Variants in PRKN observed in about 807,000 individuals in gnomAD.
The protein encoded by PRKN is parkin RBR E3 ubiquitin protein ligase, also known as E3 ubiquitin-protein ligase parkin.
In PRKN, 56 loss-of-function variants were observed where a neutral mutation model predicts 59.5. The ratio of observed to expected loss-of-function variants is 0.94; its 90% confidence interval spans 0.76 to 1.18. The LOEUF is 1.18. Ranked by LOEUF, PRKN falls within the 50% of genes most tolerant of loss-of-function variation. The pLI, the probability that PRKN is intolerant of heterozygous loss-of-function variation, is 0.00. For synonymous variants in PRKN, 250 were observed against 222.1 expected, an observed-to-expected ratio of 1.13 and a Z score of -1.12; for missense variants, 657 against 596.4, an observed-to-expected ratio of 1.10 and a Z score of -1.06.
At chr6:162,216,249 G>A (rs946714281) in intron 3 of PRKN, among the ~76,000 whole-genome samples, 2 of 151,716 alleles carry the variant, frequency 1.3e-5, no homozygotes, top group Non-Finnish European at 1.5e-5. Flanking sequence ...CCCAGTTTGC[G>A]GCCGGGCGCG....
intron 2 of PRKN, among the ~76,000 whole-genome samples, chr6:162,321,369 A>G (rs2128121747): frequency 6.6e-6 from 1 of 152,086 alleles, no homozygotes; most frequent in East Asian, 1.9e-4. Context: ...TCTATTGAAG[A>G]AACTGATACT....
intron 2 of PRKN, among the ~76,000 whole-genome samples, chr6:162,438,881 A>AC (rs1789909811): frequency 6.6e-6 from 1 of 152,202 alleles, no homozygotes. Context: ...GCATTTGCCC[A>AC]CCATTATCTT....
At chr6:162,657,675 T>C (rs1321267157) in intron 1 of PRKN, among the ~76,000 whole-genome samples, 1 of 152,182 alleles carries the variant, frequency 6.6e-6, no homozygotes, top group Non-Finnish European at 1.5e-5. Flanking sequence ...AAAACACCTG[T>C]AATAAATCTT....
intron 2 of PRKN, among the ~76,000 whole-genome samples, chr6:162,424,376 A>G (rs1288151663): frequency 6.6e-6 from 1 of 152,162 alleles, no homozygotes; most frequent in African/African-American, 2.4e-5. Context: ...ACCAAGAGTG[A>G]ACCCTAATGT....
intron 2 of PRKN, among the ~76,000 whole-genome samples, chr6:162,413,384 G>C (rs1788444770): frequency 6.6e-6 from 1 of 152,066 alleles, no homozygotes; most frequent in South Asian, 2.1e-4. Context: ...AGCTATGCAG[G>C]GGGAAAGAGA....
chr6:161,642,307 G>A (rs1783772617), intron 7 of PRKN, among the ~76,000 whole-genome samples: 1 of 152,150 alleles, frequency 6.6e-6, no homozygotes, highest in Non-Finnish European at 1.5e-5. Flanking sequence ...ATGATAAAGT[G>A]TACCTTTAAC....
chr6:162,250,197 A>G (rs7751966), intron 3 of PRKN, among the ~76,000 whole-genome samples: 1 of 149,852 alleles, frequency 6.7e-6, no homozygotes, highest in African/African-American at 2.5e-5. Context: ...GGGGGGGGGC[A>G]GGGAATGGAG....
intron 7 of PRKN, among the ~76,000 whole-genome samples, chr6:161,744,938 T>A (rs867133875): frequency 6.6e-6 from 1 of 152,212 alleles, no homozygotes; most frequent in Non-Finnish European, 1.5e-5. Flanking sequence ...TTGTCTTAAA[T>A]GGCTCTAAAA....
intron 4 of PRKN, among the ~76,000 whole-genome samples, chr6:162,077,733 C>T (rs1024139972): frequency 6.6e-6 from 1 of 151,986 alleles, no homozygotes; most frequent in South Asian, 2.1e-4. Flanking sequence ...GGCGCTGTGG[C>T]TCAGGTCTGT....
chr6:161,415,456 T>C (rs1787794716), intron 9 of PRKN, among the ~76,000 whole-genome samples: 1 of 152,186 alleles, frequency 6.6e-6, no homozygotes, highest in South Asian at 2.1e-4. Flanking sequence ...CCGAACCCTT[T>C]ACGTGAGTCA....
At position 162,071,506 on chromosome 6, in the gene PRKN, T is replaced by C. The variant is rs555788728; in HGVS notation, c.535-17332A>G. Among the ~76,000 whole-genome samples the C allele has an allele frequency of 2.8e-3, 421 of 151,854 alleles. 2 individuals carry two copies. The highest frequency in any genetic ancestry group is 9.6e-3 in the African/African-American group (397 of 41,384). On this transcript the variant is annotated intron_variant, in intron 4 of 11. Coordinates refer to ENST00000366898, the MANE Select transcript of PRKN (RefSeq NM_004562.3). ...TCTTCTGGTTCTCCAAAAGTTCCAA[T>C]AGGATCCCTCTTAAATTTCCATCAG...
chr6:161,932,891 T>A (rs190261279), intron 6 of PRKN, among the ~76,000 whole-genome samples: 137 of 152,310 alleles, frequency 9.0e-4, no homozygotes, highest in African/African-American at 3.2e-3. Flanking sequence ...TTTCTCTCCA[T>A]CCAGTAGATT....
intron 7 of PRKN, among the ~76,000 whole-genome samples, chr6:161,752,814 G>A (rs972131254): frequency 5.3e-5 from 8 of 152,200 alleles, no homozygotes; most frequent in African/African-American, 1.9e-4. Context: ...AGATACTAGA[G>A]GCTTGGACTA....
chr6:161,381,309 T>C (rs1038768511), intron 10 of PRKN, among the ~76,000 whole-genome samples: 9 of 152,180 alleles, frequency 5.9e-5, no homozygotes, highest in Non-Finnish European at 8.8e-5. Context: ...TCATCAGTGC[T>C]GGCTGGTGCA....
intron 6 of PRKN, among the ~76,000 whole-genome samples, chr6:161,836,178 C>T (rs919660262): frequency 2.6e-5 from 4 of 152,106 alleles, no homozygotes; most frequent in Non-Finnish European, 5.9e-5. Context: ...ATTTTTCAAG[C>T]CTCAGTAGTT....
At chr6:161,350,337 C>T in intron 11 of PRKN, 126 bp from the exon 12 acceptor site, 2 of 685,624 alleles carry the variant, frequency 2.9e-6, no homozygotes, top group Non-Finnish European at 5.3e-6. Flanking sequence ...AATACAAGGG[C>T]AGAGAGAAAC....
intron 6 of PRKN, among the ~76,000 whole-genome samples, chr6:161,795,438 T>A (rs2128209131): frequency 1.3e-5 from 2 of 152,044 alleles, no homozygotes; most frequent in Middle Eastern, 6.8e-3. Context: ...CTCGCCATGT[T>A]GGCCAGGCTG....
intron 4 of PRKN, among the ~76,000 whole-genome samples, chr6:162,166,941 C>G (rs1783017017): frequency 6.6e-6 from 1 of 152,224 alleles, no homozygotes; most frequent in Admixed American, 6.5e-5. Context: ...ACTTTCCCAA[C>G]TCCTCAATGT....
chr6:161,348,521 G>A lies in PRKN; in HGVS notation c.*1578C>T. Reference sequence around the variant, plus strand: ...CCCGGTGCAGGGCCTCTGAGACGACGGGACTGTCCTCAGATGGTTGGAAGA... The same window carrying A: ...CCCGGTGCAGGGCCTCTGAGACGACAGGACTGTCCTCAGATGGTTGGAAGA... On this transcript the variant is annotated 3_prime_UTR_variant, in exon 12 of 12. Coordinates refer to ENST00000366898, the MANE Select transcript of PRKN (RefSeq NM_004562.3). The surrounding 1 kb of genome is among the most constrained non-coding windows in gnomAD (Gnocchi z 4.9). The A allele has an allele frequency of 9.5e-6, 2 of 209,476 alleles. No homozygotes were observed. The highest frequency in any genetic ancestry group is 1.9e-4 in the South Asian group (1 of 5,324). The allele number at this position is 209,476 out of a possible 1,614,324, so 13.0% of individuals were successfully genotyped here.
Sources: allele counts gnomAD v4.1 joint callset (sites outside exome capture counted in the v4.1 genomes callset), GRCh38; gene constraint gnomAD v4.1.1; non-coding constraint Gnocchi (gnomAD v3.1); transcripts MANE v1.5; gene names NCBI Gene and HGNC (gene_info 2026-07-23, HGNC 2026-07-21).